The following CCBE1 variants were observed in gnomAD, a reference collection of about 807,000 sequenced individuals.
The protein encoded by CCBE1 is collagen and calcium binding EGF domains 1.
A neutral mutation model predicts 50.0 loss-of-function variants in CCBE1; 37 were observed. The ratio of observed to expected loss-of-function variants is 0.74; its 90% confidence interval spans 0.57 to 0.97. CCBE1 has a LOEUF of 0.97. Among genes scored for constraint, CCBE1 ranks in the 50% least tolerant of loss-of-function variants. The pLI is 0.00. For synonymous variants in CCBE1, 234 were observed against 203.7 expected (o/e 1.15, Z -1.27); for missense variants, 538 against 523.8 (o/e 1.03, Z -0.26).
At chr18:59,507,680 A>T (rs1913939002) in intron 2 of CCBE1, among the ~76,000 whole-genome samples, 1 of 152,156 alleles carries the variant, frequency 6.6e-6, no homozygotes, top group Non-Finnish European at 1.5e-5. Flanking sequence ...AGTTACCTAA[A>T]TCTCAGGTAC....
At chr18:59,607,093 T>C (rs1296783846) in intron 2 of CCBE1, among the ~76,000 whole-genome samples, 4 of 149,452 alleles carry the variant, frequency 2.7e-5, no homozygotes, top group Admixed American at 1.3e-4. Flanking sequence ...AAGTACTCAC[T>C]GCATCAGTCA....
At chr18:59,543,849 A>AG (rs1568197041) in intron 2 of CCBE1, among the ~76,000 whole-genome samples, 2 of 149,462 alleles carry the variant, frequency 1.3e-5, no homozygotes, top group South Asian at 2.1e-4. Context: ...AAAAAAAAAA[A>AG]AAAAAAAAAC....
chr18:59,531,580 T>G (rs1427997858), intron 2 of CCBE1, among the ~76,000 whole-genome samples: 1 of 152,046 alleles, frequency 6.6e-6, no homozygotes, highest in Non-Finnish European at 1.5e-5. Context: ...AGATCCTATC[T>G]CTACAAAAAA....
chr18:59,672,851 G>C (rs199639395), intron 2 of CCBE1, among the ~76,000 whole-genome samples: 1 of 152,250 alleles, frequency 6.6e-6, no homozygotes, highest in South Asian at 2.1e-4. Context: ...GGACTGCGGT[G>C]GGGGGAAGGG....
chr18:59,608,771 T>C (rs1281848828), intron 2 of CCBE1, among the ~76,000 whole-genome samples: 1 of 152,224 alleles, frequency 6.6e-6, no homozygotes, highest in Non-Finnish European at 1.5e-5. Context: ...CATGAAAGTG[T>C]TCATGCCTCT....
chr18:59,578,849 G>C (rs918529122), intron 2 of CCBE1, among the ~76,000 whole-genome samples: 2 of 152,190 alleles, frequency 1.3e-5, no homozygotes, highest in African/African-American at 4.8e-5. Flanking sequence ...ACCTAATGTA[G>C]ATGACAGGTT....
intron 2 of CCBE1, among the ~76,000 whole-genome samples, chr18:59,491,835 C>CAAATAAACA (rs71177029): frequency 4.0e-5 from 6 of 148,626 alleles, no homozygotes; most frequent in Non-Finnish European, 3.0e-5. Flanking sequence ...AACAAACAAA[C>CAAATAAACA]AAAAAAAAAC....
In CCBE1 at chr18:59,608,057, T is replaced by C. The variant is rs150187524; in HGVS notation, c.212+88572A>G. ...GCCACTGCACTCCCAGTTTGGGAGGTTGCAGTGAGCTGAGATCGTGCCACT... is the reference window on the plus strand; with the variant it reads ...GCCACTGCACTCCCAGTTTGGGAGGCTGCAGTGAGCTGAGATCGTGCCACT... On this transcript the variant is annotated intron_variant, in intron 2 of 10. Coordinates refer to ENST00000439986, the MANE Select transcript of CCBE1 (RefSeq NM_133459.4). 1.5e-3 allele frequency among the ~76,000 whole-genome samples: 228 copies of C among 152,200 alleles called. 2 individuals are homozygous for C. Among genetic ancestry groups the C allele is most frequent in the African/African-American group, 5.2e-3 (214 of 41,538 alleles).
chr18:59,662,648 C>T (rs2054300087), intron 2 of CCBE1, among the ~76,000 whole-genome samples: 1 of 152,194 alleles, frequency 6.6e-6, no homozygotes, highest in African/African-American at 2.4e-5. Context: ...CATAATCTAA[C>T]AGCAGGTTCA....
chr18:59,501,460 A>T (rs1367642123), intron 2 of CCBE1, among the ~76,000 whole-genome samples: 1 of 152,298 alleles, frequency 6.6e-6, no homozygotes, highest in East Asian at 1.9e-4. Flanking sequence ...GAGTGGAGTC[A>T]CTAACAACCT....
At chr18:59,622,503 T>TAAAA (rs1308753719) in intron 2 of CCBE1, among the ~76,000 whole-genome samples, 1 of 123,720 alleles carries the variant, frequency 8.1e-6, no homozygotes. Context: ...GACTTCATCT[T>TAAAA]AAAGAAAAAA....
At chr18:59,602,300 T>C (rs2053443617) in intron 2 of CCBE1, among the ~76,000 whole-genome samples, 1 of 152,138 alleles carries the variant, frequency 6.6e-6, no homozygotes. Context: ...ATTCTGCTTC[T>C]GCCTTTCAAC....
intron 5 of CCBE1, chr18:59,464,852 G>A (rs117636842): frequency 0.013 from 1,985 of 152,414 alleles, 25 homozygotes; most frequent in Non-Finnish European, 0.02. Context: ...AACAGCTCTG[G>A]TTTTTTCATC....
intron 2 of CCBE1, among the ~76,000 whole-genome samples, chr18:59,659,679 G>A (rs1380371747): frequency 6.6e-6 from 1 of 152,220 alleles, no homozygotes; most frequent in African/African-American, 2.4e-5. Flanking sequence ...TCTCAGGGAA[G>A]CAGAGCTGAG....
intron 2 of CCBE1, among the ~76,000 whole-genome samples, chr18:59,540,947 T>C (rs1296686963): frequency 6.6e-6 from 1 of 152,230 alleles, no homozygotes; most frequent in Non-Finnish European, 1.5e-5. Context: ...GTTGGGCTGC[T>C]GGAAAAATAT....
chr18:59,608,524 G>C (rs2053530209), intron 2 of CCBE1, among the ~76,000 whole-genome samples: 1 of 152,160 alleles, frequency 6.6e-6, no homozygotes, highest in Non-Finnish European at 1.5e-5. Flanking sequence ...GAAGGCACGA[G>C]AACAAGCCCC....
intron 2 of CCBE1, among the ~76,000 whole-genome samples, chr18:59,522,680 C>T (rs1254696217): frequency 2.0e-5 from 3 of 152,124 alleles, no homozygotes; most frequent in African/African-American, 4.8e-5. Context: ...CTCACAGTAG[C>T]CCCAGCTGGG....
At chr18:59,560,234 T>C (rs1407133615) in intron 2 of CCBE1, among the ~76,000 whole-genome samples, 2 of 152,232 alleles carry the variant, frequency 1.3e-5, no homozygotes, top group Non-Finnish European at 2.9e-5. Context: ...CTAGGGCCTA[T>C]TGCAGTGCAT....
intron 2 of CCBE1, among the ~76,000 whole-genome samples, chr18:59,623,544 G>A (rs763549751): frequency 3.9e-5 from 6 of 152,074 alleles, no homozygotes; most frequent in Admixed American, 1.3e-4. Context: ...TGCCTTCCTG[G>A]GTTCTCTGAA....
Sources: gnomAD v4.1 joint callset for allele counts (sites outside exome capture counted in the v4.1 genomes callset) on GRCh38, gnomAD v4.1.1 for gene constraint, MANE v1.5 for transcripts, NCBI Gene and HGNC (gene_info 2026-07-23, HGNC 2026-07-21) for gene names.